CTPS2: variants seen among roughly 807,000 people sequenced by gnomAD.
The protein encoded by CTPS2 is CTP synthase 2.
In CTPS2, 19 loss-of-function variants were observed where a neutral mutation model predicts 46.8. The observed-to-expected ratio is 0.41, with a 90% CI of 0.28 to 0.60. The LOEUF (loss-of-function observed/expected upper bound fraction) is 0.60, where lower values mean the gene tolerates loss of function less well. Ranked by LOEUF, CTPS2 falls within the 20% of genes least tolerant of loss-of-function variation. CTPS2 has a pLI of 0.35. For synonymous variants in CTPS2, 151 were observed against 165.2 expected (o/e 0.91, Z 0.66); for missense variants, 286 against 447.6 (o/e 0.64, Z 3.26).
chrX:16,661,290 G>T (rs1324872549), intron 13 of CTPS2, among the ~76,000 whole-genome samples: 1 of 111,893 alleles, frequency 8.9e-6, no homozygotes, highest in African/African-American at 3.2e-5. Context: ...CTACTTTTAT[G>T]GGAAAAAGGA....
chrX:16,636,682 T>G (rs1445943822), intron 14 of CTPS2, among the ~76,000 whole-genome samples: 1 of 111,437 alleles, frequency 9.0e-6, no homozygotes, highest in Non-Finnish European at 1.9e-5. Context: ...CCCAGCACTT[T>G]GGGAGGCCGA....
At chrX:16,680,305 T>A (rs771063823) in intron 9 of CTPS2, among the ~76,000 whole-genome samples, 8 of 111,507 alleles carry the variant, frequency 7.2e-5, no homozygotes, top group African/African-American at 2.3e-4. Flanking sequence ...ACGTCTATAA[T>A]CCCAGCACTT....
chrX:16,678,322 G>A (rs1457077981), intron 10 of CTPS2, 40 bp downstream of exon 10: 1 of 858,100 alleles, frequency 1.2e-6, no homozygotes, highest in Non-Finnish European at 1.7e-6. Flanking sequence ...AAAGTACAAT[G>A]GTCCTATCCT....
chrX:16,661,831 T>A (rs1478218887), intron 13 of CTPS2, among the ~76,000 whole-genome samples: 1 of 111,308 alleles, frequency 9.0e-6, no homozygotes, highest in East Asian at 2.8e-4. Context: ...AGTGTGCATG[T>A]GTGTGCTGAT....
chrX:16,676,412 G>A (rs1253310027), intron 10 of CTPS2, among the ~76,000 whole-genome samples: 1 of 111,913 alleles, frequency 8.9e-6, no homozygotes, highest in South Asian at 3.7e-4. Context: ...AGGTATTTGA[G>A]GGTACAAACC....
At chrX:16,596,791 C>T (rs895656591) in intron 17 of CTPS2, among the ~76,000 whole-genome samples, 2 of 106,397 alleles carry the variant, frequency 1.9e-5, no homozygotes, top group Non-Finnish European at 3.8e-5. Context: ...AATGGTTGAA[C>T]TAGTTGACAG....
chrX:16,619,003 G>A (rs956858227), intron 15 of CTPS2, among the ~76,000 whole-genome samples: 4 of 111,707 alleles, frequency 3.6e-5, no homozygotes, highest in Non-Finnish European at 7.5e-5. Context: ...CTACGCTATT[G>A]CGTACGTACC....
chrX:16,653,664 C>A (rs1016401066), intron 13 of CTPS2, among the ~76,000 whole-genome samples: 1 of 108,135 alleles, frequency 9.2e-6, no homozygotes, highest in African/African-American at 3.3e-5. Flanking sequence ...GGAGGTGGGG[C>A]TGGCAGTCTG....
rs1216531414 is a variant in CTPS2 at position 16,639,135 on chromosome X, T to C, written c.1393+12A>G. 1 of 1,155,008 alleles carries C rather than the reference T, an allele frequency of 8.7e-7. No individual in the cohort carries two copies. ...CCAACATCTTGTAAAATAAACAATA[T>C]GGGAAACTTACTTAATATTGAATTT... is the stretch of plus-strand genomic sequence containing the variant. On this transcript the variant is annotated intron_variant, in intron 14 of 18. Coordinates refer to ENST00000359276, the MANE Select transcript of CTPS2 (RefSeq NM_175859.3).
chrX:16,674,630 A>C (rs1922075840), intron 10 of CTPS2, among the ~76,000 whole-genome samples: 1 of 105,438 alleles, frequency 9.5e-6, no homozygotes, highest in East Asian at 3.1e-4. Flanking sequence ...CGAGGTCAGG[A>C]GATCGAGACC....
chrX:16,631,273 G>A (rs181410658), intron 14 of CTPS2, among the ~76,000 whole-genome samples: 13 of 109,387 alleles, frequency 1.2e-4, no homozygotes, highest in Admixed American at 6.8e-4. Context: ...GCTTGAACCC[G>A]GGAGGTGGAG....
At chrX:16,671,121 A>G (rs1329970739) in intron 10 of CTPS2, among the ~76,000 whole-genome samples, 1 of 112,157 alleles carries the variant, frequency 8.9e-6, no homozygotes, top group Non-Finnish European at 1.9e-5. Flanking sequence ...TTTCTTGGCT[A>G]GAAGACTTCA....
At chrX:16,621,475 T>TAATAAA (rs1294011480) in intron 14 of CTPS2, among the ~76,000 whole-genome samples, 2 of 107,333 alleles carry the variant, frequency 1.9e-5, no homozygotes, top group African/African-American at 6.8e-5. Flanking sequence ...ATAATAATAA[T>TAATAAA]AAAAAGAATG....
intron 14 of CTPS2, among the ~76,000 whole-genome samples, chrX:16,626,149 A>AG (rs761530712): frequency 4.5e-5 from 5 of 111,461 alleles, no homozygotes; most frequent in East Asian, 5.6e-4. Flanking sequence ...TGGGAGACCA[A>AG]GGGGGGCAGA....
At chrX:16,705,717 C>T (rs372229234) in intron 1 of CTPS2, among the ~76,000 whole-genome samples, 1 of 111,421 alleles carries the variant, frequency 9.0e-6, no homozygotes, top group African/African-American at 3.3e-5. Context: ...AGTTTGAGAA[C>T]AGCCTGGGCA....
intron 14 of CTPS2, among the ~76,000 whole-genome samples, chrX:16,631,280 G>A (rs1204797828): frequency 9.1e-6 from 1 of 109,404 alleles, no homozygotes; most frequent in Non-Finnish European, 1.9e-5. Flanking sequence ...CCCGGGAGGT[G>A]GAGGTTGCAG....
At chrX:16,636,215 C>T (rs1163236728) in intron 14 of CTPS2, among the ~76,000 whole-genome samples, 3 of 110,590 alleles carry the variant, frequency 2.7e-5, no homozygotes, top group Non-Finnish European at 5.7e-5. Context: ...GTGTGGCCAA[C>T]GAAACCCCGT....
chrX:16,621,491 A>G lies in CTPS2; in HGVS notation c.1394-1159T>C, dbSNP rs1379156748. Reference sequence around the variant, plus strand: ...TAATAATAATAAAAAGAATGCCCCTACTGGAGCATGTGGAGAAGCAGGATG... The same window carrying G: ...TAATAATAATAAAAAGAATGCCCCTGCTGGAGCATGTGGAGAAGCAGGATG... On this transcript the variant is annotated intron_variant, in intron 14 of 18. Coordinates refer to ENST00000359276, the MANE Select transcript of CTPS2 (RefSeq NM_175859.3). Among the ~76,000 whole-genome samples the G allele has an allele frequency of 2.7e-5, 3 of 109,373 alleles. No homozygotes were observed. In the East Asian group the frequency reaches 8.6e-4, roughly 31 times the overall value. 95.0% of individuals were successfully genotyped at this position (109,373 alleles called of 115,157 possible).
intron 15 of CTPS2, 122 bp from the exon 16 acceptor site, chrX:16,617,368 T>TA: frequency 7.6e-6 from 3 of 394,483 alleles, no homozygotes; most frequent in Non-Finnish European, 1.3e-5. Context: ...TTAATGTCTA[T>TA]ATTCAATGCT....
Sources: allele counts gnomAD v4.1 joint callset (sites outside exome capture counted in the v4.1 genomes callset), GRCh38; gene constraint gnomAD v4.1.1; transcripts MANE v1.5; gene names NCBI Gene and HGNC (gene_info 2026-07-23, HGNC 2026-07-21).